Variants in CYP4V2 observed in about 807,000 individuals in gnomAD.
CYP4V2 encodes the protein cytochrome P450 4V2.
A neutral mutation model predicts 60.8 loss-of-function variants in CYP4V2; 55 were observed. That is an observed-to-expected ratio of 0.90 (90% CI 0.73 to 1.13). CYP4V2 has a LOEUF of 1.13. CYP4V2 is among the 50% of genes most tolerant of loss of function. The pLI is 0.00. For missense variants in CYP4V2, 675 were observed against 662.9 expected (o/e 1.02, Z -0.20); for synonymous variants, 239 against 236.8 (o/e 1.01, Z -0.08).
chr4:186,197,877 AAGAT>A (rs1239489784), intron 5 of CYP4V2, among the ~76,000 whole-genome samples: 1 of 152,246 alleles, frequency 6.6e-6, no homozygotes, highest in African/African-American at 2.4e-5. Context: ...TGAGAAAAGA[AAGAT>A]ATAAACAGTT....
chr4:186,191,712 C>G lies in CYP4V2; in HGVS notation c.-112C>G. The G allele has an allele frequency of 9.6e-7, 1 of 1,040,486 alleles. No homozygotes were observed. The highest frequency in any genetic ancestry group is 4.2e-5 in the South Asian group (1 of 23,680). The allele number at this position is 1,040,486 out of a possible 1,614,324, so 64.5% of individuals were successfully genotyped here. ...GACCGGGCGACCCCGCAGCGGGGAG[C>G]GCGCCAGGTCCGCGCGGGGAAGTGG... On this transcript the variant is annotated 5_prime_UTR_variant, in exon 1 of 11. Coordinates refer to ENST00000378802, the MANE Select transcript of CYP4V2 (RefSeq NM_207352.4).
Position 186,210,475 on chromosome 4 carries a change from A to C in CYP4V2, c.1412A>C (p.Lys471Thr), listed in dbSNP as rs764616926. ...TATCTACATTAATTTGAAGGTCAAA[A>C]GTTTGCTGTGATGGAAGAAAAGACC... ...SAGPRNCIGQ[K>T]FAVMEEKTIL... The change falls in exon 11 of 11, where the codon AAG (lysine) becomes ACG (threonine). Residue 471 changes from lysine (K) to threonine (T), a missense_variant. Transcript: ENST00000378802. The C allele has an allele frequency of 5.0e-6, 8 of 1,614,192 alleles. No homozygotes were observed. Among genetic ancestry groups the C allele is most frequent in the Non-Finnish European group, 6.8e-6 (8 of 1,180,030 alleles).
At chr4:186,204,463 A>G (rs979878451) in intron 7 of CYP4V2, 28 of 209,942 alleles carry the variant, frequency 1.3e-4, no homozygotes, top group Non-Finnish European at 2.4e-4. Flanking sequence ...CTGGCGTAAG[A>G]GGTGGAGGTG....
intron 7 of CYP4V2, chr4:186,202,152 G>T (rs1736322908): frequency 6.6e-6 from 1 of 152,246 alleles, no homozygotes; most frequent in African/African-American, 2.4e-5. Flanking sequence ...GCTCTGTGCT[G>T]ATTAGCCAAA....
chr4:186,197,262 C>A, intron 4 of CYP4V2, 132 bp downstream of exon 4: 1 of 1,141,480 alleles, frequency 8.8e-7, no homozygotes, highest in Non-Finnish European at 1.3e-6. Flanking sequence ...GGTTCTACGA[C>A]CGCACTGGCC....
At position 186,191,733 on chromosome 4, in the gene CYP4V2, A is replaced by C; in HGVS notation, c.-91A>C. On this transcript the variant is annotated 5_prime_UTR_variant, in exon 1 of 11. Coordinates refer to ENST00000378802, the MANE Select transcript of CYP4V2 (RefSeq NM_207352.4). ...GGAGCGCGCCAGGTCCGCGCGGGGA[A>C]GTGGGCGGTGTGCGGCCGGCACCGC... 6.7e-6 allele frequency: 8 copies of C among 1,200,702 alleles called. No individual in the cohort carries two copies. The highest frequency in any genetic ancestry group is 2.4e-5 in the South Asian group (1 of 42,442). 74.4% of individuals were successfully genotyped at this position (1,200,702 alleles called of 1,614,324 possible). A position where few individuals can be genotyped will look rare whatever the true frequency, so the allele number is the denominator to read the frequency against.
At position 186,208,917 on chromosome 4, in the gene CYP4V2, G is replaced by A; in HGVS notation, c.1143G>A (p.Leu381=). Residue 381 remains leucine (L), a synonymous_variant, in exon 9 of 11, where the codon CTG becomes CTA. Transcript: ENST00000378802. ...TVEDLKKLRY[L]ECVIKETLRL... is the part of the protein sequence containing the mutation. Reference sequence around the variant, plus strand: ...AAGACCTGAAGAAACTTCGGTATCTGGAATGTGTTATTAAGGAGACCCTTC... The same window carrying A: ...AAGACCTGAAGAAACTTCGGTATCTAGAATGTGTTATTAAGGAGACCCTTC... The A allele has an allele frequency of 1.2e-6, 2 of 1,614,168 alleles. No homozygotes were observed. The highest frequency in any genetic ancestry group is 2.2e-5 in the South Asian group (2 of 91,092).
intron 7 of CYP4V2, chr4:186,201,763 G>A (rs1046686725): frequency 1.0e-5 from 2 of 196,660 alleles, no homozygotes; most frequent in Non-Finnish European, 2.1e-5. Context: ...CTACCTAGAG[G>A]ACAGTTAAGA....
chr4:186,196,706 G>A, intron 3 of CYP4V2: 2 of 525,022 alleles, frequency 3.8e-6, no homozygotes, highest in South Asian at 5.2e-5. Flanking sequence ...TTTTAAACAT[G>A]TATAGAACAA....
chr4:186,207,283 C>T (rs995070414), intron 8 of CYP4V2, among the ~76,000 whole-genome samples: 5 of 151,648 alleles, frequency 3.3e-5, no homozygotes, highest in Non-Finnish European at 7.4e-5. Context: ...GTGGCAGGTG[C>T]CTGTAGTCCC....
rs1736323928 is a variant in CYP4V2, at chr4:186,202,188, TTC to T, written c.987+848_987+849del. The T allele has an allele frequency of 2.0e-5, 3 of 152,212 alleles. No homozygotes were observed. In the South Asian group the frequency reaches 6.2e-4, roughly 32 times the overall value. 9.4% of individuals were successfully genotyped at this position (152,212 alleles called of 1,614,324 possible). A position where few individuals can be genotyped will look rare whatever the true frequency, so the allele number is the denominator to read the frequency against. On this transcript the variant is annotated intron_variant, in intron 7 of 10. Coordinates refer to ENST00000378802, the MANE Select transcript of CYP4V2 (RefSeq NM_207352.4). ...TAAGATAGTTCTGATCATTCCAGAGTTCTGTCACAATTTTCCTATGTGTAAAG... is the reference window on the plus strand; with the variant it reads ...TAAGATAGTTCTGATCATTCCAGAGTTGTCACAATTTTCCTATGTGTAAAG...
intron 1 of CYP4V2, chr4:186,192,356 C>G (rs775811971): frequency 1.7e-6 from 1 of 578,620 alleles, no homozygotes; most frequent in Non-Finnish European, 3.3e-6. Context: ...CTTGGGAAGC[C>G]TTAGGAACAG....
intron 3 of CYP4V2, 183 bp from the exon 4 acceptor site, chr4:186,196,757 T>C (rs1736159663): frequency 3.4e-6 from 2 of 592,472 alleles, no homozygotes; most frequent in East Asian, 5.6e-5. Context: ...GATGAATATT[T>C]TATAGATATG....
Position 186,199,243 on chromosome 4 carries a change from T to C in CYP4V2, c.801+160T>C, listed in dbSNP as rs188431476. 2.7e-3 allele frequency among the ~76,000 whole-genome samples: 404 copies of C among 152,342 alleles called. 3 individuals are homozygous for C. Among genetic ancestry groups the C allele is most frequent in the African/African-American group, 9.2e-3 (384 of 41,576 alleles). ...CAGAACTTTTGGTAAGTCCATGATG[T>C]TGATGTTTTGTTAACATACCCGGTG... is the stretch of plus-strand genomic sequence containing the variant. On this transcript the variant is annotated intron_variant, in intron 6 of 10. Coordinates refer to ENST00000378802, the MANE Select transcript of CYP4V2 (RefSeq NM_207352.4).
At chr4:186,198,758 C>T (rs1736225490) in intron 5 of CYP4V2, among the ~76,000 whole-genome samples, 199 bp from the exon 6 acceptor site, 1 of 152,052 alleles carries the variant, frequency 6.6e-6, no homozygotes, top group Admixed American at 6.5e-5. Context: ...TTTAAAGAGC[C>T]CATTATTTTC....
intron 1 of CYP4V2, among the ~76,000 whole-genome samples, chr4:186,193,855 G>T (rs1736065027): frequency 1.3e-5 from 2 of 152,218 alleles, no homozygotes; most frequent in Non-Finnish European, 1.5e-5. Flanking sequence ...TCACCTTGAA[G>T]ATTGCAGTTG....
chr4:186,205,326 T>G (rs1307381499), intron 8 of CYP4V2, 24 bp downstream of exon 8: 3 of 1,595,768 alleles, frequency 1.9e-6, no homozygotes, highest in Non-Finnish European at 2.6e-6. Context: ...CTTCACTGGT[T>G]ATATTGTGGT....
In CYP4V2 at chr4:186,195,966, T is replaced by G. The variant is rs72646253; in HGVS notation, c.328-37T>G. 18 of 1,461,608 alleles carry G rather than the reference T, an allele frequency of 1.2e-5. No individual in the cohort carries two copies. Among genetic ancestry groups the G allele is most frequent in the Admixed American group, 5.0e-5 (3 of 59,610 alleles). 90.5% of individuals were successfully genotyped at this position (1,461,608 alleles called of 1,614,324 possible). A position where few individuals can be genotyped will look rare whatever the true frequency, so the allele number is the denominator to read the frequency against. On this transcript the variant is annotated intron_variant, in intron 2 of 10. Transcript: ENST00000378802. This position sits in a 1 kb window ranked among gnomAD's most constrained non-coding sequence, Gnocchi z 4.1. ...ATAATTACAGGAAGGTTGTTTGATGTCTGTATGTCTCTAAAGTATGTTTTT... is the reference window on the plus strand; with the variant it reads ...ATAATTACAGGAAGGTTGTTTGATGGCTGTATGTCTCTAAAGTATGTTTTT...
chr4:186,208,793 G>C lies in CYP4V2; in HGVS notation c.1091-72G>C. On this transcript the variant is annotated intron_variant, in intron 8 of 10. Transcript: ENST00000378802. ...TAGCATGCCATGCCTTGATCCACCT[G>C]TTCTTTTTAGATGTCTGCACCCCCA... 3.1e-6 allele frequency: 5 copies of C among 1,604,992 alleles called. No homozygotes were observed. The South Asian group carries it at 5.5e-5, about 18-fold the overall frequency.
Sources: gnomAD v4.1 joint callset for allele counts (sites outside exome capture counted in the v4.1 genomes callset) on GRCh38, gnomAD v4.1.1 for gene constraint, Gnocchi (gnomAD v3.1) non-coding constraint, MANE v1.5 for transcripts, NCBI Gene and HGNC (gene_info 2026-07-23, HGNC 2026-07-21) for gene names.